The following PDE7B variants were observed in gnomAD, a reference collection of about 807,000 sequenced individuals.
PDE7B encodes phosphodiesterase 7B, also known as 3',5'-cyclic-AMP phosphodiesterase 7B.
In PDE7B, 29 loss-of-function variants were observed where a neutral mutation model predicts 56.2. The observed-to-expected ratio is 0.52, with a 90% confidence interval of 0.38 to 0.70. PDE7B has a LOEUF of 0.70. Among genes scored for constraint, PDE7B ranks in the 30% least tolerant of loss-of-function variants. The pLI is 0.00. For synonymous variants in PDE7B, 197 were observed against 196.9 expected (o/e 1.00, Z 0.00); for missense variants, 490 against 565.0 (o/e 0.87, Z 1.35).
chr6:136,184,710 A>C (rs1354373774), intron 11 of PDE7B, among the ~76,000 whole-genome samples: 1 of 152,202 alleles, frequency 6.6e-6, no homozygotes, highest in Non-Finnish European at 1.5e-5. Context: ...TGACAATGGG[A>C]GTTATCTCAG....
chr6:135,921,121 G>A (rs1020559942), intron 1 of PDE7B, among the ~76,000 whole-genome samples: 11 of 152,110 alleles, frequency 7.2e-5, no homozygotes, highest in African/African-American at 2.7e-4. Context: ...TTTTGGTTTA[G>A]TGCCACACTT....
intron 2 of PDE7B, among the ~76,000 whole-genome samples, chr6:136,029,044 A>C (rs2128208826): frequency 6.6e-6 from 1 of 152,354 alleles, no homozygotes; most frequent in East Asian, 1.9e-4. Context: ...AAAGTGCTGA[A>C]TGCCCAAGAA....
intron 12 of PDE7B, among the ~76,000 whole-genome samples, chr6:136,190,357 T>G (rs904599846): frequency 9.8e-5 from 15 of 152,330 alleles, no homozygotes; most frequent in African/African-American, 3.6e-4. Flanking sequence ...GATGAGACAA[T>G]GCAGAAATGT....
intron 8 of PDE7B, among the ~76,000 whole-genome samples, chr6:136,159,844 A>G (rs957280857): frequency 6.6e-6 from 1 of 152,182 alleles, no homozygotes; most frequent in East Asian, 1.9e-4. Flanking sequence ...CAAATAGAGG[A>G]AAAAAACAGT....
intron 2 of PDE7B, among the ~76,000 whole-genome samples, chr6:135,965,357 C>T (rs1437143126): frequency 6.6e-6 from 1 of 152,114 alleles, no homozygotes; most frequent in Admixed American, 6.6e-5. Context: ...GTAGAAGGCA[C>T]AGCACCTGCC....
intron 2 of PDE7B, among the ~76,000 whole-genome samples, chr6:136,053,593 C>G (rs1300345669): frequency 6.6e-6 from 1 of 152,152 alleles, no homozygotes; most frequent in African/African-American, 2.4e-5. Context: ...ATGTCTGGGT[C>G]AAATGGTAAT....
chr6:135,899,118 T>C (rs537739135), intron 1 of PDE7B, among the ~76,000 whole-genome samples: 1 of 152,216 alleles, frequency 6.6e-6, no homozygotes, highest in African/African-American at 2.4e-5. Flanking sequence ...GATGTGACTT[T>C]GCTCCTCATT....
intron 1 of PDE7B, among the ~76,000 whole-genome samples, chr6:135,876,749 C>T (rs912226397): frequency 6.6e-6 from 1 of 152,012 alleles, no homozygotes; most frequent in Non-Finnish European, 1.5e-5. Flanking sequence ...ATCCCACCTA[C>T]TCAGGAGGCT....
intron 2 of PDE7B, among the ~76,000 whole-genome samples, chr6:136,059,082 C>G (rs1490963765): frequency 1.3e-5 from 2 of 152,090 alleles, no homozygotes; most frequent in Non-Finnish European, 2.9e-5. Context: ...TCAAGTTGAC[C>G]TGTGCTTTGG....
chr6:135,944,677 G>A (rs529114638), intron 1 of PDE7B, among the ~76,000 whole-genome samples: 2 of 152,262 alleles, frequency 1.3e-5, no homozygotes, highest in East Asian at 3.9e-4. Flanking sequence ...ATGCTTCACA[G>A]GAGTTTCAAA....
intron 3 of PDE7B, among the ~76,000 whole-genome samples, chr6:136,146,345 A>G (rs1320511565): frequency 6.6e-6 from 1 of 152,046 alleles, no homozygotes; most frequent in African/African-American, 2.4e-5. Flanking sequence ...CAGACATTCA[A>G]ATAATGTGTT....
intron 3 of PDE7B, among the ~76,000 whole-genome samples, chr6:136,139,854 T>A (rs1447051378): frequency 1.3e-5 from 2 of 152,232 alleles, no homozygotes. Flanking sequence ...GAGTTCATTG[T>A]AGATTCTGGA....
Position 135,881,629 on chromosome 6 carries a change from T to C in PDE7B, c.21+29610T>C, listed in dbSNP as rs1775613095. ...TGTTAATGTAGAGCAGCTGTAAGCC[T>C]GAAGACTTAAGGGAATAGAAGCTAA... On this transcript the variant is annotated intron_variant, in intron 1 of 12. Coordinates refer to ENST00000308191, the MANE Select transcript of PDE7B (RefSeq NM_018945.4). Among the ~76,000 whole-genome samples the C allele has an allele frequency of 6.6e-5, 10 of 152,322 alleles. No homozygotes were observed. The South Asian group carries it at 2.1e-3, about 32-fold the overall frequency.
intron 1 of PDE7B, among the ~76,000 whole-genome samples, chr6:135,891,572 G>T (rs887016619): frequency 1.3e-5 from 2 of 152,148 alleles, no homozygotes; most frequent in Non-Finnish European, 2.9e-5. Context: ...TAAACGCGGA[G>T]CTCCTAACCA....
intron 1 of PDE7B, among the ~76,000 whole-genome samples, chr6:135,909,900 T>G (rs151326408): frequency 9.2e-5 from 14 of 152,116 alleles, no homozygotes; most frequent in African/African-American, 3.1e-4. Flanking sequence ...ATCTTGGGAC[T>G]AGCTCTAGGC....
At chr6:136,033,565 G>A (rs1182997027) in intron 2 of PDE7B, among the ~76,000 whole-genome samples, 2 of 152,162 alleles carry the variant, frequency 1.3e-5, no homozygotes, top group East Asian at 1.9e-4. Context: ...ATTGGGTATG[G>A]TTTAGACACT....
chr6:136,177,553 C>T (rs771814353), intron 9 of PDE7B, among the ~76,000 whole-genome samples: 3 of 152,060 alleles, frequency 2.0e-5, no homozygotes, highest in African/African-American at 2.4e-5. Flanking sequence ...TATGTCTAGC[C>T]TCATTAGTAA....
At chr6:136,065,373 T>G (rs1411338837) in intron 2 of PDE7B, among the ~76,000 whole-genome samples, 1 of 152,206 alleles carries the variant, frequency 6.6e-6, no homozygotes, top group Admixed American at 6.5e-5. Context: ...GAAGTCATAC[T>G]AATGATTATG....
At chr6:136,176,397 T>C (rs2128450619) in intron 9 of PDE7B, among the ~76,000 whole-genome samples, 1 of 152,260 alleles carries the variant, frequency 6.6e-6, no homozygotes, top group South Asian at 2.1e-4. Context: ...ACCATAGAGA[T>C]CATGCTTTAC....
Sources: gnomAD v4.1 joint callset for allele counts (sites outside exome capture counted in the v4.1 genomes callset) on GRCh38, gnomAD v4.1.1 for gene constraint, MANE v1.5 for transcripts, NCBI Gene and HGNC (gene_info 2026-07-23, HGNC 2026-07-21) for gene names.